Variants in CALN1 observed in about 807,000 individuals in gnomAD.
The protein encoded by CALN1 is calneuron 1.
A neutral mutation model predicts 30.6 loss-of-function variants in CALN1; 17 were observed. That is an observed-to-expected ratio of 0.56 (90% CI 0.38 to 0.83). CALN1 has a LOEUF of 0.83. CALN1 is among the 40% of genes least tolerant of loss of function. The probability of loss-of-function intolerance (pLI) is 0.00; values close to 1 mark genes in which losing one functional copy is unlikely to be tolerated. For synonymous variants in CALN1, 156 were observed against 131.4 expected (o/e 1.19, Z -1.28); for missense variants, 291 against 354.9 (o/e 0.82, Z 1.45).
chr7:71,851,303 G>T (rs1790631658), intron 5 of CALN1, among the ~76,000 whole-genome samples: 1 of 150,704 alleles, frequency 6.6e-6, no homozygotes, highest in Non-Finnish European at 1.5e-5. Flanking sequence ...ACCACTTGAG[G>T]TCAGGAGTTC....
intron 3 of CALN1, among the ~76,000 whole-genome samples, chr7:72,106,855 A>G (rs112928853): frequency 0.071 from 5,717 of 80,322 alleles, 1,052 homozygotes; most frequent in Non-Finnish European, 0.13. Context: ...GGAGGAGGGA[A>G]GGAAGGAGGA....
At chr7:72,308,344 A>T (rs1405055335) in intron 2 of CALN1, among the ~76,000 whole-genome samples, 1 of 129,818 alleles carries the variant, frequency 7.7e-6, no homozygotes, top group Non-Finnish European at 1.6e-5. Flanking sequence ...AGCCTGGGCC[A>T]CAGAGTGAGA....
chr7:72,396,235 T>TTAAAAAAAAAAAA (rs1185933549), intron 2 of CALN1, among the ~76,000 whole-genome samples: 1 of 53,344 alleles, frequency 1.9e-5, no homozygotes, highest in African/African-American at 9.0e-5. Flanking sequence ...TTGTCTCTAC[T>TTAAAAAAAAAAAA]AAAAAAAAAA....
At chr7:71,869,028 G>A (rs1409975619) in intron 5 of CALN1, among the ~76,000 whole-genome samples, 1 of 152,016 alleles carries the variant, frequency 6.6e-6, no homozygotes, top group Non-Finnish European at 1.5e-5. Flanking sequence ...AACAAGTTGG[G>A]TGAGGTAGCT....
intron 3 of CALN1, among the ~76,000 whole-genome samples, chr7:72,263,778 A>C (rs994854278): frequency 1.3e-5 from 2 of 152,134 alleles, no homozygotes; most frequent in African/African-American, 4.8e-5. Context: ...TTATTCAACA[A>C]GTATTTTTGA....
intron 2 of CALN1, among the ~76,000 whole-genome samples, chr7:72,386,201 G>A (rs986168461): frequency 3.9e-5 from 6 of 152,130 alleles, no homozygotes; most frequent in African/African-American, 1.2e-4. Context: ...AAAACCCATC[G>A]AACTTTGGCA....
chr7:72,090,942 G>A (rs1041649595), intron 4 of CALN1, among the ~76,000 whole-genome samples: 16 of 152,140 alleles, frequency 1.1e-4, no homozygotes, highest in African/African-American at 3.9e-4. Flanking sequence ...TGGGTGTGGG[G>A]TAAGAAGAGA....
chr7:72,328,066 GCCTT>G (rs2129557826), intron 2 of CALN1, among the ~76,000 whole-genome samples: 1 of 151,816 alleles, frequency 6.6e-6, no homozygotes, highest in South Asian at 2.1e-4. Context: ...GAAGAAAGGT[GCCTT>G]CCAAGTTCTA....
At chr7:72,378,013 G>C (rs893685869) in intron 2 of CALN1, among the ~76,000 whole-genome samples, 6 of 149,340 alleles carry the variant, frequency 4.0e-5, no homozygotes, top group Admixed American at 2.0e-4. Flanking sequence ...CCAGCCATTC[G>C]TCCTGAACTT....
intron 3 of CALN1, among the ~76,000 whole-genome samples, chr7:72,215,391 C>T (rs764239649): frequency 3.9e-5 from 6 of 151,924 alleles, no homozygotes; most frequent in East Asian, 1.9e-4. Flanking sequence ...GTCAGGAGTT[C>T]GAGACCAGCC....
intron 5 of CALN1, among the ~76,000 whole-genome samples, chr7:71,852,483 A>AAG (rs1354303108): frequency 2.0e-5 from 3 of 151,600 alleles, no homozygotes; most frequent in African/African-American, 7.3e-5. Flanking sequence ...AAAAAAAAAA[A>AAG]AAAAAAAAAT....
At chr7:72,297,606 C>CTA (rs2129555399) in intron 2 of CALN1, among the ~76,000 whole-genome samples, 1 of 152,268 alleles carries the variant, frequency 6.6e-6, no homozygotes, top group South Asian at 2.1e-4. Context: ...CTTGACATAA[C>CTA]ACTTTGTTAT....
chr7:72,293,935 T>TA (rs1225527636), intron 2 of CALN1, among the ~76,000 whole-genome samples: 1 of 151,550 alleles, frequency 6.6e-6, no homozygotes, highest in Non-Finnish European at 1.5e-5. Context: ...CGCCTCTCCT[T>TA]AAAAATACAA....
chr7:72,104,815 G>T (rs933905483), intron 4 of CALN1, among the ~76,000 whole-genome samples: 1 of 152,080 alleles, frequency 6.6e-6, no homozygotes, highest in South Asian at 2.1e-4. Context: ...AAATTAGTCA[G>T]TTGTGGTGGT....
intron 5 of CALN1, among the ~76,000 whole-genome samples, chr7:71,976,617 G>T (rs1163412664): frequency 6.6e-6 from 1 of 152,198 alleles, no homozygotes; most frequent in African/African-American, 2.4e-5. Context: ...AAAATGGATA[G>T]GCTGCTTGAA....
intron 3 of CALN1, among the ~76,000 whole-genome samples, chr7:72,246,649 T>C (rs1013012654): frequency 7.9e-5 from 12 of 151,892 alleles, no homozygotes; most frequent in Non-Finnish European, 1.5e-4. Context: ...AAAAAAGACA[T>C]AGAAATAAGG....
intron 5 of CALN1, among the ~76,000 whole-genome samples, chr7:71,837,564 T>A (rs893344251): frequency 1.3e-5 from 2 of 152,098 alleles, no homozygotes; most frequent in Non-Finnish European, 2.9e-5. Flanking sequence ...TTATGATCCA[T>A]CTACAAGGCA....
intron 5 of CALN1, among the ~76,000 whole-genome samples, chr7:71,878,970 C>G (rs1792412918): frequency 6.6e-6 from 1 of 152,176 alleles, no homozygotes; most frequent in Admixed American, 6.5e-5. Flanking sequence ...ACAGTGACTT[C>G]CAATGGAACT....
At chr7:71,793,230 C>T (rs1406683657) in intron 6 of CALN1, among the ~76,000 whole-genome samples, 1 of 152,008 alleles carries the variant, frequency 6.6e-6, no homozygotes, top group East Asian at 1.9e-4. Context: ...TGCTTGAACC[C>T]AAGAGGCAGA....
Sources: allele counts gnomAD v4.1 joint callset (sites outside exome capture counted in the v4.1 genomes callset), GRCh38; gene constraint gnomAD v4.1.1; transcripts MANE v1.5; gene names NCBI Gene and HGNC (gene_info 2026-07-23, HGNC 2026-07-21).